PRR35: variants seen among roughly 807,000 people sequenced by gnomAD.
The protein encoded by PRR35 is proline rich 35, also known as proline-rich protein 35.
PRR35 carries 14 observed loss-of-function variants against 18.6 expected under a neutral mutation model. The ratio of observed to expected loss-of-function variants is 0.75; its 90% confidence interval spans 0.50 to 1.18. The LOEUF (loss-of-function observed/expected upper bound fraction) is 1.18. PRR35 is among the 50% of genes most tolerant of loss of function. The pLI is 0.00. For synonymous variants in PRR35, 425 were observed against 378.2 expected, an observed-to-expected ratio of 1.12 and a Z score of -1.43; for missense variants, 832 against 792.2, an observed-to-expected ratio of 1.05 and a Z score of -0.60.
intron 1 of PRR35, among the ~76,000 whole-genome samples, chr16:562,698 T>C (rs4984890): frequency 0.5 from 76,537 of 152,144 alleles, 19,960 homozygotes; most frequent in South Asian, 0.74. Context: ...ACAGGCAGAT[T>C]GGCAGGGGCC....
At chr16:561,837 G>A (rs1032318395) in intron 1 of PRR35, 1 of 952,016 alleles carries the variant, frequency 1.1e-6, no homozygotes, top group African/African-American at 1.8e-5. Context: ...GGGCCTGTGT[G>A]AGCATGTGAG....
chr16:564,573 T>C (rs2035499611), intron 2 of PRR35, 101 bp from the exon 3 acceptor site: 1 of 1,405,276 alleles, frequency 7.1e-7, no homozygotes, highest in Non-Finnish European at 9.4e-7. Flanking sequence ...GAGCCTAGGC[T>C]CTAGGCTGGG....
chr16:564,179 G>A lies in PRR35; in HGVS notation c.885G>A (p.Gly295=), dbSNP rs760918147. ...KAPVSPRSPS[G]TPAPGLLKVP... ...CTGTCTCCCCCAGGAGCCCCTCTGGGACTCCGGCTCCTGGCCTGCTGAAGG... is the reference window on the plus strand; with the variant it reads ...CTGTCTCCCCCAGGAGCCCCTCTGGAACTCCGGCTCCTGGCCTGCTGAAGG... Residue 295 remains glycine (G), a synonymous_variant, in exon 2 of 3, where the codon GGG becomes GGA. Coordinates refer to ENST00000409413, the MANE Select transcript of PRR35 (RefSeq NM_145270.3). 6 of 1,563,310 alleles carry A rather than the reference G, an allele frequency of 3.8e-6. No homozygotes were observed. The highest frequency in any genetic ancestry group is 1.8e-5 in the Admixed American group (1 of 54,410).
Position 564,135 on chromosome 16 carries a change from G to A in PRR35, c.841G>A (p.Ala281Thr). 6.3e-7 allele frequency: 1 copy of A among 1,575,344 alleles called. No homozygotes were observed. Among genetic ancestry groups the A allele is most frequent in the South Asian group, 1.1e-5 (1 of 87,018 alleles). ...CACTCTGGGGCTGCCAGCAGGCAAA[G>A]CTGCCCTTGCCAAGGCCCCTGTCTC... The part of the protein sequence containing the change: ...EHTLGLPAGK[A>T]ALAKAPVSPR... Residue 281 changes from alanine to threonine, a missense_variant, in exon 2 of 3, where the codon GCT becomes ACT. Around this residue, in one of 3 missense-constraint regions of PRR35, gnomAD observed 768 missense variants for 704.1 expected, o/e 1.09. Transcript: ENST00000409413.
In PRR35 at chr16:563,657, C is replaced by A; in HGVS notation, c.363C>A (p.Ile121=). ...APAPDLVVAD[I]HSLHCGGGPK... ...CGCCTGACCTCGTGGTCGCCGACAT[C>A]CACTCCCTGCACTGTGGCGGAGGCC... is the stretch of plus-strand genomic sequence containing the variant. Residue 121 remains isoleucine (I), a synonymous_variant, in exon 2 of 3, where the codon ATC becomes ATA. Transcript: ENST00000409413. The A allele has an allele frequency of 6.3e-7, 1 of 1,575,430 alleles. No individual in the cohort carries two copies. The highest frequency in any genetic ancestry group is 8.6e-7 in the Non-Finnish European group (1 of 1,167,548).
At position 563,251 on chromosome 16, in the gene PRR35, T is replaced by G. The variant is rs778132457; in HGVS notation, c.-39-5T>G. The G allele has an allele frequency of 9.1e-6, 14 of 1,545,352 alleles. No homozygotes were observed. In the African/African-American group the frequency reaches 1.5e-4, roughly 16 times the overall value. ...GCTTGGCACTGACTGTGGCCCCATCTACAGGTGGCCATGGTGCCCGGCCCT... is the reference window on the plus strand; with the variant it reads ...GCTTGGCACTGACTGTGGCCCCATCGACAGGTGGCCATGGTGCCCGGCCCT... On this transcript the variant is annotated splice_polypyrimidine_tract_variant and splice_region_variant and intron_variant, in intron 1 of 2. Coordinates refer to ENST00000409413, the MANE Select transcript of PRR35 (RefSeq NM_145270.3).
At position 560,562 on chromosome 16, in the gene PRR35, G is replaced by A; in HGVS notation, c.-139G>A. ...CCCCCAGAGCCCCAGCGCGTCCGCG[G>A]GGTCCGAGTCGCGGCCGGCGCGGGG... On this transcript the variant is annotated 5_prime_UTR_variant, in exon 1 of 3. Transcript: ENST00000409413. The A allele has an allele frequency of 1.0e-6, 1 of 983,208 alleles. No individual in the cohort carries two copies. Among genetic ancestry groups the A allele is most frequent in the Non-Finnish European group, 1.2e-6 (1 of 829,034 alleles). The allele number at this position is 983,208 out of a possible 1,614,324, so 60.9% of individuals were successfully genotyped here. A position where few individuals can be genotyped will look rare whatever the true frequency, so the allele number is the denominator to read the frequency against.
chr16:563,870 G>T lies in PRR35; in HGVS notation c.576G>T (p.Pro192=). The T allele has an allele frequency of 6.4e-7, 1 of 1,558,298 alleles. No homozygotes were observed. The highest frequency in any genetic ancestry group is 2.4e-5 in the East Asian group (1 of 41,828). The part of the protein sequence containing the change: ...GPEGSVPCYP[P]PAPGEFPEAH... ...AGGGCAGCGTCCCCTGCTATCCCCC[G>T]CCTGCCCCAGGGGAGTTCCCTGAGG... Residue 192 remains proline (P), a synonymous_variant, in exon 2 of 3, where the codon CCG becomes CCT. Coordinates refer to ENST00000409413, the MANE Select transcript of PRR35 (RefSeq NM_145270.3).
rs2035507885 is a variant in PRR35 at position 564,939 on chromosome 16, A to G, written c.1348A>G (p.Ile450Val). 1.2e-6 allele frequency: 2 copies of G among 1,604,562 alleles called. No homozygotes were observed. The highest frequency in any genetic ancestry group is 1.7e-6 in the Non-Finnish European group (2 of 1,178,150). The change falls in exon 3 of 3, where the codon ATT becomes GTT. Residue 450 changes from isoleucine (I) to valine (V), a missense_variant. Ile to Val is a conservative substitution (Grantham distance 29). Coordinates refer to ENST00000409413, the MANE Select transcript of PRR35 (RefSeq NM_145270.3). ...CAAGATCCGCCTGGAGCTGCTCACCATTCACCAGGCGCTGGAGCAGGCCGT... is the reference window on the plus strand; with the variant it reads ...CAAGATCCGCCTGGAGCTGCTCACCGTTCACCAGGCGCTGGAGCAGGCCGT... ...LGKIRLELLT[I>V]HQALEQAVRP...
chr16:561,037 TTCTCCCCCAGC>T (rs199937935), intron 1 of PRR35, among the ~76,000 whole-genome samples: 7,497 of 151,810 alleles, frequency 0.049, 307 homozygotes, highest in African/African-American at 0.11. Context: ...GTGCCACCGG[TTCTCCCCCAGC>T]TCTCCCCCAA....
rs924238715 is a variant in PRR35 at position 563,589 on chromosome 16, G to A, written c.295G>A (p.Gly99Ser). The A allele has an allele frequency of 8.2e-5, 131 of 1,598,410 alleles. No homozygotes were observed. The highest frequency in any genetic ancestry group is 3.3e-4 in the Middle Eastern group (2 of 6,040). ...TPDRPGESDP[G>S]RQPQGARPTG... is the part of the protein sequence containing the mutation. ...AGACCGCCCTGGGGAGTCCGACCCC[G>A]GCAGGCAACCCCAGGGAGCACGGCC... Residue 99 changes from glycine (G) to serine (S), a missense_variant, in exon 2 of 3, where the codon GGC becomes AGC. Gly to Ser is a moderately conservative substitution (Grantham distance 56, BLOSUM62 0). Transcript: ENST00000409413.
At position 563,819 on chromosome 16, in the gene PRR35, G is replaced by T; in HGVS notation, c.525G>T (p.Ala175=). The T allele has an allele frequency of 6.6e-7, 1 of 1,506,422 alleles. No homozygotes were observed. The allele number at this position is 1,506,422 out of a possible 1,614,324, so 93.3% of individuals were successfully genotyped here. A position where few individuals can be genotyped will look rare whatever the true frequency, so the allele number is the denominator to read the frequency against. ...GAGGGGACCCAAGGGGCGTGGGTGC[G>T]GGGGACATGGCCTCAGCAGGCCCTG... The part of the protein sequence containing the change: ...GMGGDPRGVG[A]GDMASAGPEG... The change falls in exon 2 of 3, where the codon GCG becomes GCT. Residue 175 remains alanine, a synonymous_variant. Transcript: ENST00000409413.
intron 1 of PRR35, among the ~76,000 whole-genome samples, chr16:561,044 C>G (rs1375102503): frequency 7.3e-6 from 1 of 137,534 alleles, no homozygotes; most frequent in Admixed American, 6.9e-5. Context: ...CGGTTCTCCC[C>G]CAGCTCTCCC....
chr16:562,643 C>T (rs896900180), intron 1 of PRR35, among the ~76,000 whole-genome samples: 15 of 152,250 alleles, frequency 9.9e-5, no homozygotes, highest in Non-Finnish European at 2.2e-4. Context: ...CCCACACAGA[C>T]CCTTCCGTTG....
intron 1 of PRR35, chr16:561,652 T>C: frequency 1.2e-6 from 1 of 864,398 alleles, no homozygotes; most frequent in African/African-American, 1.8e-5. Context: ...CCCAAGCCTT[T>C]GGACGAGTGG....
chr16:564,435 G>A, intron 2 of PRR35, 59 bp downstream of exon 2: 1 of 1,564,598 alleles, frequency 6.4e-7, no homozygotes, highest in Non-Finnish European at 8.6e-7. Flanking sequence ...GGCTGGGCAT[G>A]GCGGTTGGGC....
rs1193966798 is a variant in PRR35 at position 560,607 on chromosome 16, T to C, written c.-94T>C. ...GCGGGGCGGGGAGGGGCGGGAAGTT[T>C]GCGCCCTACACGCGGCCTCGCAGAC... On this transcript the variant is annotated 5_prime_UTR_variant, in exon 1 of 3. Transcript: ENST00000409413. The C allele has an allele frequency of 1.0e-6, 1 of 982,546 alleles. No homozygotes were observed. The highest frequency in any genetic ancestry group is 1.2e-6 in the Non-Finnish European group (1 of 828,898). The allele number at this position is 982,546 out of a possible 1,614,324, so 60.9% of individuals were successfully genotyped here.
rs914823607 is a variant in PRR35 at position 564,657 on chromosome 16, C to T, written c.1083-17C>T. On this transcript the variant is annotated splice_polypyrimidine_tract_variant and intron_variant, in intron 2 of 2. Coordinates refer to ENST00000409413, the MANE Select transcript of PRR35 (RefSeq NM_145270.3). ...TGTGGGGGCAGTGCGGCCTCCTGAC[C>T]AGCTTCCACCCCACAGCCTGCCCAC... 13 of 1,511,676 alleles carry T rather than the reference C, an allele frequency of 8.6e-6. No homozygotes were observed. The highest frequency in any genetic ancestry group is 1.2e-5 in the South Asian group (1 of 80,758). 93.6% of individuals were successfully genotyped at this position (1,511,676 alleles called of 1,614,324 possible).
chr16:565,333 C>G lies in PRR35; in HGVS notation c.*26C>G. The G allele has an allele frequency of 1.4e-6, 2 of 1,447,164 alleles. No homozygotes were observed. The highest frequency in any genetic ancestry group is 3.0e-5 in the South Asian group (2 of 67,200). 89.6% of individuals were successfully genotyped at this position (1,447,164 alleles called of 1,614,324 possible). A position where few individuals can be genotyped will look rare whatever the true frequency, so the allele number is the denominator to read the frequency against. On this transcript the variant is annotated 3_prime_UTR_variant, in exon 3 of 3. Coordinates refer to ENST00000409413, the MANE Select transcript of PRR35 (RefSeq NM_145270.3). ...CCTGCAGCGCCTGAGGTCTGACTGTCTCTGCCTGCAGCATGCCGGCCCCTC... is the reference window on the plus strand; with the variant it reads ...CCTGCAGCGCCTGAGGTCTGACTGTGTCTGCCTGCAGCATGCCGGCCCCTC...
Sources: allele counts gnomAD v4.1 joint callset (sites outside exome capture counted in the v4.1 genomes callset), GRCh38; gene constraint gnomAD v4.1.1; regional missense constraint gnomAD v4.1.1; transcripts MANE v1.5; gene names NCBI Gene and HGNC (gene_info 2026-07-23, HGNC 2026-07-21).